The following BAIAP2 variants were observed in gnomAD, a reference collection of about 807,000 sequenced individuals.
BAIAP2 encodes the protein BAR/IMD domain containing adaptor protein 2, also known as BAR/IMD domain-containing adapter protein 2.
In BAIAP2, 18 loss-of-function variants were observed where a neutral mutation model predicts 63.0. That is an observed-to-expected ratio of 0.29 (90% CI 0.20 to 0.42). The LOEUF is 0.42. BAIAP2 is among the 10% of genes least tolerant of loss of function. The pLI, the probability that BAIAP2 is intolerant of heterozygous loss-of-function variation, is 1.00. For synonymous variants in BAIAP2, 386 were observed against 307.6 expected (o/e 1.25, Z -2.67); for missense variants, 610 against 734.3 (o/e 0.83, Z 1.96).
At chr17:81,043,920 G>A (rs975840713) in intron 1 of BAIAP2, among the ~76,000 whole-genome samples, 4 of 152,248 alleles carry the variant, frequency 2.6e-5, no homozygotes, top group South Asian at 2.1e-4. Flanking sequence ...TCAGTGAGAC[G>A]ATAGCGTATT....
chr17:81,108,388 C>T, intron 12 of BAIAP2, 87 bp from the exon 13 acceptor site: 2 of 1,448,002 alleles, frequency 1.4e-6, no homozygotes, highest in South Asian at 1.2e-5. Flanking sequence ...CAGGCAGGAT[C>T]ACCATTTGTG....
intron 3 of BAIAP2, among the ~76,000 whole-genome samples, chr17:81,073,316 C>T (rs1182407663): frequency 6.6e-6 from 1 of 152,172 alleles, no homozygotes; most frequent in Non-Finnish European, 1.5e-5. Flanking sequence ...GATACTCGGA[C>T]CTCTTGGTTT....
rs538478737 is a variant in BAIAP2, at chr17:81,038,295, C to G, written c.54+2987C>G. On this transcript the variant is annotated intron_variant, in intron 1 of 13. Coordinates refer to ENST00000428708, the MANE Select transcript of BAIAP2 (RefSeq NM_001144888.2). ...GCTGGCTCCCTGGCTGGCTGTGTCT[C>G]CTGGAATGCCAGGAGAATGTCAGGT... Among the ~76,000 whole-genome samples the G allele has an allele frequency of 3.9e-5, 6 of 152,300 alleles. No individual in the cohort carries two copies. In the South Asian group the frequency reaches 1.0e-3, roughly 26 times the overall value.
At chr17:81,109,738 C>T (rs911377581) in intron 13 of BAIAP2, 61 of 985,288 alleles carry the variant, frequency 6.2e-5, no homozygotes, top group Non-Finnish European at 5.9e-5. Flanking sequence ...CGGGCACTGG[C>T]GGGAGCAAGG....
At chr17:81,108,861 G>A in intron 13 of BAIAP2, 1 of 1,462,904 alleles carries the variant, frequency 6.8e-7, no homozygotes, top group Non-Finnish European at 9.1e-7. Context: ...GGGTCAGGAG[G>A]CCAACGGGAG....
chr17:81,073,153 A>G (rs532729782), intron 3 of BAIAP2, among the ~76,000 whole-genome samples: 177 of 152,196 alleles, frequency 1.2e-3, no homozygotes, highest in African/African-American at 4.0e-3. Context: ...ATGACCCTCC[A>G]GCGGCCCCTC....
At chr17:81,068,992 C>T (rs936502172) in intron 3 of BAIAP2, among the ~76,000 whole-genome samples, 6 of 152,098 alleles carry the variant, frequency 3.9e-5, no homozygotes, top group African/African-American at 7.2e-5. Flanking sequence ...CACTGGGCCC[C>T]GTAGAAACAG....
Position 81,104,003 on chromosome 17 carries a change from C to G in BAIAP2, c.961C>G (p.Pro321Ala). ...GTGGGCTGACCGCAAGGCTGCCCAGCCCAAATCCCTGTCTCCTCCGCAGTC... is the reference window on the plus strand; with the variant it reads ...GTGGGCTGACCGCAAGGCTGCCCAGGCCAAATCCCTGTCTCCTCCGCAGTC... ...SPWADRKAAQ[P>A]KSLSPPQSQS... Residue 321 changes from proline (P) to alanine (A), a missense_variant, in exon 9 of 14, where the codon CCC becomes GCC. Physicochemically the swap from Pro to Ala is conservative, Grantham distance 27 (BLOSUM62 -1). This residue lies in a region of BAIAP2 where 389 missense variants were observed against 455.6 expected (regional missense o/e 0.85). Coordinates refer to ENST00000428708, the MANE Select transcript of BAIAP2 (RefSeq NM_001144888.2). 1.2e-6 allele frequency: 2 copies of G among 1,613,212 alleles called. No homozygotes were observed. The highest frequency in any genetic ancestry group is 8.5e-7 in the Non-Finnish European group (1 of 1,180,030).
intron 6 of BAIAP2, among the ~76,000 whole-genome samples, chr17:81,091,644 T>TG (rs1414353343): frequency 6.6e-6 from 1 of 152,228 alleles, no homozygotes; most frequent in Non-Finnish European, 1.5e-5. Flanking sequence ...GGCAGGAGTC[T>TG]GGCCCATTCG....
In BAIAP2 at chr17:81,060,012, C is replaced by T. The variant is rs994726280; in HGVS notation, c.217+2045C>T. ...AGGGAAGCTTCAGAAGAGAGGGAGA[C>T]GTGAGGGCTCTTACTTGGATCAGGG... On this transcript the variant is annotated intron_variant, in intron 3 of 13. Transcript: ENST00000428708. Among the ~76,000 whole-genome samples the T allele has an allele frequency of 5.3e-5, 8 of 152,132 alleles. No individual in the cohort carries two copies. The East Asian group carries it at 1.5e-3, about 29-fold the overall frequency.
At chr17:81,104,828 G>T (rs536555601) in intron 10 of BAIAP2, 113 bp downstream of exon 10, 4 of 1,171,302 alleles carry the variant, frequency 3.4e-6, no homozygotes, top group Middle Eastern at 2.9e-4. Flanking sequence ...TGCAGGTTGC[G>T]GGTCCTCGCC....
chr17:81,090,731 C>A (rs796968866), intron 6 of BAIAP2, among the ~76,000 whole-genome samples: 2 of 152,306 alleles, frequency 1.3e-5, no homozygotes, highest in African/African-American at 4.8e-5. Flanking sequence ...GCTGCGTACG[C>A]GCCCCCCGAG....
chr17:81,096,894 AC>A (rs1365964776), intron 6 of BAIAP2, among the ~76,000 whole-genome samples: 1 of 152,224 alleles, frequency 6.6e-6, no homozygotes, highest in African/African-American at 2.4e-5. Flanking sequence ...ATGTTGCATA[AC>A]CAGAGGAAAA....
chr17:81,065,449 G>C (rs187068246), intron 3 of BAIAP2, among the ~76,000 whole-genome samples: 1 of 152,208 alleles, frequency 6.6e-6, no homozygotes, highest in Non-Finnish European at 1.5e-5. Flanking sequence ...AGACCCAAGG[G>C]TGGAGGGCAG....
At chr17:81,098,473 G>T (rs919461959) in intron 6 of BAIAP2, among the ~76,000 whole-genome samples, 3 of 151,942 alleles carry the variant, frequency 2.0e-5, no homozygotes, top group African/African-American at 7.3e-5. Context: ...AGTTGACCAC[G>T]GTAACCATCT....
At chr17:81,069,239 C>T (rs557783719) in intron 3 of BAIAP2, among the ~76,000 whole-genome samples, 1 of 152,204 alleles carries the variant, frequency 6.6e-6, no homozygotes, top group South Asian at 2.1e-4. Context: ...CCAGCAGTCA[C>T]ATGCAGGCGG....
Position 81,075,458 on chromosome 17 carries a change from GGTGGGCTCCCTTCCT to G in BAIAP2, c.218-9367_218-9353del, listed in dbSNP as rs374790358. Among the ~76,000 whole-genome samples, 1,110 of 152,308 alleles carry G rather than the reference GGTGGGCTCCCTTCCT, an allele frequency of 7.3e-3. 14 individuals are homozygous for G. The highest frequency in any genetic ancestry group is 0.024 in the African/African-American group (996 of 41,556). ...CGTCGCCTCAAGTGGGCCGCCTTCC[GGTGGGCTCCCTTCCT>G]GTGGGCCGCTTGCATGCCGTGCTGT... On this transcript the variant is annotated intron_variant, in intron 3 of 13. Transcript: ENST00000428708.
intron 6 of BAIAP2, chr17:81,098,123 C>A: frequency 1.4e-6 from 2 of 1,424,312 alleles, no homozygotes; most frequent in South Asian, 3.0e-5. Flanking sequence ...GAGGCATGCT[C>A]CTCCCAGAGG....
chr17:81,060,485 A>G (rs1568094556), intron 3 of BAIAP2, among the ~76,000 whole-genome samples: 1 of 152,108 alleles, frequency 6.6e-6, no homozygotes, highest in East Asian at 1.9e-4. Context: ...CCCTGAGCAC[A>G]TGTTTACCGT....
Sources: gnomAD v4.1 joint callset for allele counts (sites outside exome capture counted in the v4.1 genomes callset) on GRCh38, gnomAD v4.1.1 for gene constraint, gnomAD v4.1.1 regional missense constraint, MANE v1.5 for transcripts, NCBI Gene and HGNC (gene_info 2026-07-23, HGNC 2026-07-21) for gene names.